The following LYZL4 variants were observed in gnomAD, a reference collection of about 807,000 sequenced individuals.
The protein encoded by LYZL4 is lysozyme like 4, also known as lysozyme-like protein 4.
A neutral mutation model predicts 17.6 loss-of-function variants in LYZL4; 13 were observed. The observed-to-expected ratio is 0.74, with a 90% CI of 0.48 to 1.18. LYZL4 has a LOEUF of 1.18. Among genes scored for constraint, LYZL4 ranks in the 50% most tolerant of loss-of-function variants. LYZL4 has a pLI of 0.00. For missense variants in LYZL4, 174 were observed against 188.2 expected (o/e 0.92, Z 0.44); for synonymous variants, 64 against 67.7 (o/e 0.95, Z 0.27).
chr3:42,399,564 A>G (rs1247281911), intron 4 of LYZL4, among the ~76,000 whole-genome samples: 1 of 152,170 alleles, frequency 6.6e-6, no homozygotes, highest in Non-Finnish European at 1.5e-5. Context: ...TTAATAGCTG[A>G]AAAAAAGCAA....
the LYZL4 span, among the ~76,000 whole-genome samples, chr3:42,387,820 C>G: frequency 1.3e-5 from 2 of 152,188 alleles, no homozygotes; most frequent in Non-Finnish European, 2.9e-5. Context: ...GGCTACCCCT[C>G]CCACCCAGCT....
the LYZL4 span, among the ~76,000 whole-genome samples, chr3:42,377,623 C>CTGTG: frequency 2.9e-4 from 27 of 92,628 alleles, no homozygotes; most frequent in Middle Eastern, 5.4e-3. Flanking sequence ...ATGCATGACT[C>CTGTG]TCTGTGTGTG....
chr3:42,363,727 C>T, the LYZL4 span, among the ~76,000 whole-genome samples: 30 of 152,116 alleles, frequency 2.0e-4, no homozygotes, highest in South Asian at 1.0e-3. Context: ...GAAGGAAGGG[C>T]GGACAGAAAA....
chr3:42,374,884 A>G, the LYZL4 span, among the ~76,000 whole-genome samples: 1 of 152,116 alleles, frequency 6.6e-6, no homozygotes, highest in Non-Finnish European at 1.5e-5. Context: ...GTGCAGTGGC[A>G]TGATCACAGC....
chr3:42,377,759 T>C, the LYZL4 span, among the ~76,000 whole-genome samples: 1 of 151,788 alleles, frequency 6.6e-6, no homozygotes, highest in Admixed American at 6.6e-5. Flanking sequence ...AAGTCATACA[T>C]GCCAACAGAT....
chr3:42,370,825 G>A, the LYZL4 span, among the ~76,000 whole-genome samples: 1 of 152,188 alleles, frequency 6.6e-6, no homozygotes, highest in Non-Finnish European at 1.5e-5. Flanking sequence ...AATGCTGACT[G>A]GTAGAGTTCG....
chr3:42,377,625 CTGTGTGTGTGTG>C, the LYZL4 span, among the ~76,000 whole-genome samples: 106 of 143,776 alleles, frequency 7.4e-4, no homozygotes, highest in South Asian at 2.3e-3. Context: ...GCATGACTCT[CTGTGTGTGTGTG>C]TGTGTGTGTG....
the LYZL4 span, among the ~76,000 whole-genome samples, chr3:42,377,917 T>G: frequency 1.3e-5 from 2 of 152,172 alleles, no homozygotes; most frequent in Admixed American, 1.3e-4. Flanking sequence ...TCTGGTGCAC[T>G]GACATTACCA....
At chr3:42,368,800 T>C in the LYZL4 span, among the ~76,000 whole-genome samples, 1 of 152,350 alleles carries the variant, frequency 6.6e-6, no homozygotes, top group African/African-American at 2.4e-5. Flanking sequence ...CATCTGTATA[T>C]TATCATTTAA....
At chr3:42,397,774 C>G (rs2125599455) in intron 4 of LYZL4, among the ~76,000 whole-genome samples, 1 of 152,300 alleles carries the variant, frequency 6.6e-6, no homozygotes, top group Admixed American at 6.5e-5. Flanking sequence ...GGGCCCCTTT[C>G]ACCTTTCCAC....
At chr3:42,363,037 C>T in the LYZL4 span, among the ~76,000 whole-genome samples, 1 of 151,962 alleles carries the variant, frequency 6.6e-6, no homozygotes, top group East Asian at 1.9e-4. Context: ...AAAAGAAACC[C>T]AGGGAGGTAG....
the LYZL4 span, among the ~76,000 whole-genome samples, chr3:42,386,195 C>G: frequency 5.4e-4 from 82 of 152,074 alleles, no homozygotes; most frequent in Non-Finnish European, 1.1e-3. Flanking sequence ...TTCCACCTCC[C>G]GGGTTCAAGA....
the LYZL4 span, among the ~76,000 whole-genome samples, chr3:42,379,932 C>T: frequency 6.6e-6 from 1 of 152,316 alleles, no homozygotes; most frequent in African/African-American, 2.4e-5. Context: ...CACAGGATCT[C>T]TCTCTCTCCT....
At chr3:42,405,903 G>C (rs1698740684) in intron 3 of LYZL4, among the ~76,000 whole-genome samples, 1 of 152,122 alleles carries the variant, frequency 6.6e-6, no homozygotes, top group Non-Finnish European at 1.5e-5. Flanking sequence ...GAATTAATTA[G>C]ATGAATACTT....
chr3:42,364,637 G>T, the LYZL4 span, among the ~76,000 whole-genome samples: 3 of 152,004 alleles, frequency 2.0e-5, no homozygotes, highest in East Asian at 5.8e-4. Context: ...GAGCCACTGT[G>T]CTTGCCTCTT....
chr3:42,360,853 T>C, the LYZL4 span, among the ~76,000 whole-genome samples: 1 of 152,174 alleles, frequency 6.6e-6, no homozygotes, highest in Non-Finnish European at 1.5e-5. Context: ...TGTCTGAATT[T>C]TTTTCTTTTC....
the LYZL4 span, among the ~76,000 whole-genome samples, chr3:42,383,399 C>T: frequency 6.6e-6 from 1 of 150,622 alleles, no homozygotes. Flanking sequence ...CATGGTGAAC[C>T]CCATCATCTC....
intron 4 of LYZL4, among the ~76,000 whole-genome samples, chr3:42,399,463 C>T (rs1437112461): frequency 6.6e-6 from 1 of 152,140 alleles, no homozygotes; most frequent in East Asian, 1.9e-4. Context: ...AGATAAATTA[C>T]CTGCAACATC....
rs545813641 is a variant in LYZL4, at chr3:42,398,878, G to A, written c.372-1544C>T. 5.5e-4 allele frequency among the ~76,000 whole-genome samples: 84 copies of A among 151,892 alleles called. 1 individual carries two copies. The South Asian group carries it at 0.011, about 20-fold the overall frequency. Reference sequence around the variant, plus strand: ...TCTGTGAATCTGTGAAACTCTCGTAGGATAAAAATACCATAAAATCAAAAT... The same window carrying A: ...TCTGTGAATCTGTGAAACTCTCGTAAGATAAAAATACCATAAAATCAAAAT... On this transcript the variant is annotated intron_variant, in intron 4 of 4. Transcript: ENST00000287748.
Sources: gnomAD v4.1 joint callset for allele counts (sites outside exome capture counted in the v4.1 genomes callset) on GRCh38, gnomAD v4.1.1 for gene constraint, MANE v1.5 for transcripts, NCBI Gene and HGNC (gene_info 2026-07-23, HGNC 2026-07-21) for gene names.